The following RSU1 variants were observed in gnomAD, a reference collection of about 807,000 sequenced individuals.
The protein encoded by RSU1 is Ras suppressor protein 1, also known as rsu-1.
In RSU1, 26 loss-of-function variants were observed where a neutral mutation model predicts 31.1. The observed-to-expected ratio is 0.84, with a 90% CI of 0.61 to 1.16. RSU1 has a LOEUF of 1.16. Ranked by LOEUF, RSU1 falls within the 50% of genes most tolerant of loss-of-function variation. The pLI is 0.00. For synonymous variants in RSU1, 164 were observed against 136.3 expected, an observed-to-expected ratio of 1.20 and a Z score of -1.41; for missense variants, 320 against 339.1, an observed-to-expected ratio of 0.94 and a Z score of 0.44.
At chr10:16,808,041 G>C (rs1288360299) in intron 2 of RSU1, among the ~76,000 whole-genome samples, 3 of 126,212 alleles carry the variant, frequency 2.4e-5, no homozygotes, top group African/African-American at 9.3e-5. Context: ...AAAAAAAAAA[G>C]AATTCTGAAA....
intron 8 of RSU1, among the ~76,000 whole-genome samples, chr10:16,603,272 A>G (rs1833744047): frequency 6.6e-6 from 1 of 152,248 alleles, no homozygotes; most frequent in Non-Finnish European, 1.5e-5. Flanking sequence ...GCTATAATAT[A>G]TAAGGCAGAT....
At chr10:16,668,171 A>G (rs906648079) in intron 8 of RSU1, among the ~76,000 whole-genome samples, 3 of 152,202 alleles carry the variant, frequency 2.0e-5, no homozygotes, top group African/African-American at 7.2e-5. Flanking sequence ...GGGGATAAGC[A>G]GTATTCACCT....
chr10:16,606,782 C>G lies in RSU1; in HGVS notation c.732-13286G>C, dbSNP rs559477228. Among the ~76,000 whole-genome samples, 6 of 152,292 alleles carry G rather than the reference C, an allele frequency of 3.9e-5. No homozygotes were observed. In the South Asian group the frequency reaches 1.2e-3, roughly 32 times the overall value. ...AGGAATGCCAGTATCTAGAGAGAAGCCTTTGCTTTCTCTTGTTTTACGATA... is the reference window on the plus strand; with the variant it reads ...AGGAATGCCAGTATCTAGAGAGAAGGCTTTGCTTTCTCTTGTTTTACGATA... On this transcript the variant is annotated intron_variant, in intron 8 of 8. Coordinates refer to ENST00000345264, the MANE Select transcript of RSU1 (RefSeq NM_012425.4).
intron 8 of RSU1, among the ~76,000 whole-genome samples, chr10:16,612,281 A>G (rs569863660): frequency 2.8e-4 from 43 of 152,346 alleles, no homozygotes; most frequent in African/African-American, 1.0e-3. Context: ...AAAATAGCAA[A>G]TGGCAGAGAA....
intron 3 of RSU1, among the ~76,000 whole-genome samples, chr10:16,781,050 C>A (rs1002449796): frequency 1.3e-5 from 2 of 152,196 alleles, no homozygotes; most frequent in Admixed American, 6.5e-5. Flanking sequence ...TGCACATACA[C>A]ACATAAATTC....
chr10:16,791,463 T>C (rs1837910334), intron 2 of RSU1, among the ~76,000 whole-genome samples: 1 of 152,058 alleles, frequency 6.6e-6, no homozygotes, highest in African/African-American at 2.4e-5. Context: ...ATCCCATCTC[T>C]ACCGAAGTAC....
At chr10:16,732,182 GT>G (rs1481894160) in intron 7 of RSU1, among the ~76,000 whole-genome samples, 1 of 152,110 alleles carries the variant, frequency 6.6e-6, no homozygotes, top group African/African-American at 2.4e-5. Flanking sequence ...CCTAACAACA[GT>G]TTAAATTTAT....
At chr10:16,596,487 T>A (rs757597720) in intron 8 of RSU1, among the ~76,000 whole-genome samples, 1 of 152,182 alleles carries the variant, frequency 6.6e-6, no homozygotes, top group African/African-American at 2.4e-5. Context: ...GGCTTAGCAC[T>A]GCAGAGTAAT....
At chr10:16,665,430 C>G (rs1436688802) in intron 8 of RSU1, among the ~76,000 whole-genome samples, 2 of 152,144 alleles carry the variant, frequency 1.3e-5, no homozygotes, top group Non-Finnish European at 2.9e-5. Flanking sequence ...ACCCACCACC[C>G]AAATACACTG....
intron 8 of RSU1, among the ~76,000 whole-genome samples, chr10:16,621,549 G>A (rs1454807663): frequency 1.3e-5 from 2 of 152,156 alleles, no homozygotes; most frequent in African/African-American, 4.8e-5. Flanking sequence ...CCAACACTGG[G>A]TAATTTATCA....
chr10:16,604,996 G>A (rs1833778166), intron 8 of RSU1, among the ~76,000 whole-genome samples: 1 of 152,210 alleles, frequency 6.6e-6, no homozygotes, highest in South Asian at 2.1e-4. Flanking sequence ...CTGCTTGGGG[G>A]AGAAGCCAGC....
intron 8 of RSU1, among the ~76,000 whole-genome samples, chr10:16,644,018 G>A (rs559209154): frequency 6.6e-6 from 1 of 151,874 alleles, no homozygotes; most frequent in African/African-American, 2.4e-5. Flanking sequence ...AGGGGAGGAT[G>A]TGCATAGGTT....
At chr10:16,635,177 AAT>A (rs1484322645) in intron 8 of RSU1, among the ~76,000 whole-genome samples, 7 of 152,234 alleles carry the variant, frequency 4.6e-5, no homozygotes, top group Non-Finnish European at 8.8e-5. Context: ...TGTGCAATGG[AAT>A]ATTGGCTGCT....
chr10:16,810,955 G>A (rs1195469652), intron 2 of RSU1, among the ~76,000 whole-genome samples: 4 of 152,048 alleles, frequency 2.6e-5, no homozygotes, highest in East Asian at 1.9e-4. Context: ...CCAGGAAGCC[G>A]AGGCTACAGT....
At chr10:16,646,335 C>G (rs779665858) in intron 8 of RSU1, among the ~76,000 whole-genome samples, 4 of 152,112 alleles carry the variant, frequency 2.6e-5, no homozygotes, top group Non-Finnish European at 5.9e-5. Context: ...AGAATCAAGA[C>G]TCAAAACAGC....
At chr10:16,783,401 T>C (rs1463546687) in intron 2 of RSU1, among the ~76,000 whole-genome samples, 1 of 139,086 alleles carries the variant, frequency 7.2e-6, no homozygotes, top group African/African-American at 2.9e-5. Flanking sequence ...CTGTCACCAG[T>C]TTGGAATACA....
At chr10:16,624,520 C>T (rs79021541) in intron 8 of RSU1, among the ~76,000 whole-genome samples, 1 of 152,152 alleles carries the variant, frequency 6.6e-6, no homozygotes, top group African/African-American at 2.4e-5. Context: ...ACCCTTGTGC[C>T]CCAGACTCCC....
chr10:16,704,521 T>C (rs1835856398), intron 7 of RSU1, among the ~76,000 whole-genome samples: 1 of 152,194 alleles, frequency 6.6e-6, no homozygotes, highest in Non-Finnish European at 1.5e-5. Context: ...ATTTTCTCCC[T>C]CCTTTCAAAA....
intron 8 of RSU1, among the ~76,000 whole-genome samples, chr10:16,663,418 T>C (rs1252092784): frequency 6.6e-6 from 1 of 152,182 alleles, no homozygotes; most frequent in Non-Finnish European, 1.5e-5. Flanking sequence ...GGAGTCTACT[T>C]TCTTCAATTG....
Sources: gnomAD v4.1 joint callset for allele counts (sites outside exome capture counted in the v4.1 genomes callset) on GRCh38, gnomAD v4.1.1 for gene constraint, MANE v1.5 for transcripts, NCBI Gene and HGNC (gene_info 2026-07-23, HGNC 2026-07-21) for gene names.